HYDIN: variants seen among roughly 807,000 people sequenced by gnomAD.
HYDIN encodes axonemal central pair apparatus protein HYDIN.
In HYDIN, 132 loss-of-function variants were observed where a neutral mutation model predicts 403.9. The ratio of observed to expected loss-of-function variants is 0.33; its 90% CI spans 0.28 to 0.38. The LOEUF (loss-of-function observed/expected upper bound fraction) is 0.38. HYDIN is among the 10% of genes least tolerant of loss of function. The pLI, the probability that HYDIN is intolerant of heterozygous loss-of-function variation, is 1.00. For synonymous variants in HYDIN, 1,202 were observed against 1,891.7 expected (o/e 0.64, Z 9.46); for missense variants, 2,827 against 5,009.5 (o/e 0.56, Z 13.15).
At chr16:70,874,792 C>T in intron 63 of HYDIN, 25 bp downstream of exon 63, 2 of 1,605,714 alleles carry the variant, frequency 1.2e-6, no homozygotes, top group Non-Finnish European at 1.7e-6. Context: ...CCATTGCCCT[C>T]TAGAAGCACC....
chr16:71,207,078 C>T (rs1205984622), intron 1 of HYDIN, among the ~76,000 whole-genome samples: 2 of 152,040 alleles, frequency 1.3e-5, no homozygotes, highest in Non-Finnish European at 2.9e-5. Flanking sequence ...TGCAGAGAAC[C>T]TCCAAAAGAC....
chr16:70,911,874 T>C (rs906842939), intron 47 of HYDIN, among the ~76,000 whole-genome samples: 2 of 149,086 alleles, frequency 1.3e-5, no homozygotes, highest in South Asian at 2.1e-4. Context: ...TTTGCAGTTA[T>C]TGTAAAAGAG....
At chr16:70,849,286 C>T (rs953546746) in intron 75 of HYDIN, among the ~76,000 whole-genome samples, 26 of 151,938 alleles carry the variant, frequency 1.7e-4, no homozygotes, top group Non-Finnish European at 7.4e-5. Flanking sequence ...AGAATTGTTG[C>T]AAGCCTATTA....
At chr16:71,040,007 G>T (rs529359209) in intron 18 of HYDIN, among the ~76,000 whole-genome samples, 1 of 151,756 alleles carries the variant, frequency 6.6e-6, no homozygotes, top group African/African-American at 2.4e-5. Context: ...TGCAGGCACC[G>T]CCCCCGCCCA....
chr16:71,089,832 G>A (rs1292325255), intron 11 of HYDIN, among the ~76,000 whole-genome samples: 3 of 150,202 alleles, frequency 2.0e-5, no homozygotes, highest in Non-Finnish European at 4.4e-5. Context: ...GTACTGTGGA[G>A]GAGACAGCAT....
At chr16:70,835,017 T>C (rs945101332) in intron 78 of HYDIN, among the ~76,000 whole-genome samples, 7 of 145,150 alleles carry the variant, frequency 4.8e-5, no homozygotes, top group African/African-American at 7.6e-5. Context: ...TACACACACA[T>C]ATATATATGT....
chr16:70,970,230 G>A (rs113936165), intron 36 of HYDIN, among the ~76,000 whole-genome samples: 2,782 of 68,582 alleles, frequency 0.041, 95 homozygotes, highest in South Asian at 0.095. Flanking sequence ...GTTAGAGACT[G>A]ATAGCATATT....
intron 66 of HYDIN, 110 bp downstream of exon 66, chr16:70,868,460 T>A (rs1294874767): frequency 3.5e-6 from 5 of 1,439,276 alleles, no homozygotes; most frequent in Non-Finnish European, 4.6e-6. Flanking sequence ...TCAAGTAGAA[T>A]GGGAACCTTT....
intron 15 of HYDIN, 59 bp from the exon 16 acceptor site, chr16:71,064,899 C>T (rs1284785680): frequency 5.7e-6 from 9 of 1,587,818 alleles, no homozygotes; most frequent in East Asian, 2.2e-5. Context: ...ATACAGAAAA[C>T]GCAGAGCCCC....
Position 71,178,952 on chromosome 16 carries a change from T to C in HYDIN, c.357A>G (p.Pro119=), listed in dbSNP as rs370975814. 3 of 1,611,918 alleles carry C rather than the reference T, an allele frequency of 1.9e-6. No homozygotes were observed. In the African/African-American group the frequency reaches 4.0e-5, roughly 22 times the overall value. The change falls in exon 4 of 86, where the codon CCA becomes CCG. Residue 119 remains proline (P), a synonymous_variant. Coordinates refer to ENST00000393567, the MANE Select transcript of HYDIN (RefSeq NM_001270974.2). ...NYTPCEVYEV[P]LILRNNDKIP... is the part of the protein sequence containing the mutation. ...CTTTGTCATTGTTCCTCAAAATCAG[T>C]GGAACTTCATAGACTTCACAGGGAG...
chr16:70,920,783 C>T lies in HYDIN; in HGVS notation c.7593G>A (p.Ala2531=), dbSNP rs185945967. The change falls in exon 46 of 86, where the codon GCG becomes GCA. Residue 2531 remains alanine, a synonymous_variant. Transcript: ENST00000393567. ...TEKERLEREK[A]ERERLEKLRA... Reference sequence around the variant, plus strand: ...GCAGCTTCTCCAGGCGCTCCCGCTCCGCCTTCTCCCTCTCCAGGCGCTCCT... The same window carrying T: ...GCAGCTTCTCCAGGCGCTCCCGCTCTGCCTTCTCCCTCTCCAGGCGCTCCT... 2.8e-5 allele frequency: 44 copies of T among 1,559,612 alleles called. No individual in the cohort carries two copies. The highest frequency in any genetic ancestry group is 4.1e-5 in the African/African-American group (3 of 73,480).
chr16:71,222,944 A>G (rs1451641931), intron 1 of HYDIN, among the ~76,000 whole-genome samples: 2 of 152,098 alleles, frequency 1.3e-5, no homozygotes, highest in African/African-American at 4.8e-5. Flanking sequence ...AAATACCAAC[A>G]TCATTCTTCA....
intron 5 of HYDIN, among the ~76,000 whole-genome samples, chr16:71,174,287 C>T (rs2086578485): frequency 6.6e-6 from 1 of 152,128 alleles, no homozygotes; most frequent in African/African-American, 2.4e-5. Context: ...AATTCTCTAT[C>T]CTTGCTCTCC....
chr16:70,882,482 C>T (rs1368150625), intron 60 of HYDIN, among the ~76,000 whole-genome samples, 178 bp downstream of exon 60: 10 of 152,174 alleles, frequency 6.6e-5, no homozygotes, highest in Admixed American at 4.6e-4. Context: ...GAGACACCCA[C>T]TGGGACAAAT....
intron 21 of HYDIN, among the ~76,000 whole-genome samples, chr16:71,023,861 G>C (rs2080586719): frequency 6.6e-6 from 1 of 151,074 alleles, no homozygotes; most frequent in South Asian, 2.1e-4. Context: ...AAAATAAATG[G>C]TCTTGAACAT....
In HYDIN at chr16:70,966,098, C is replaced by T. The variant is rs574393472; in HGVS notation, c.5620-1202G>A. The stretch of plus-strand genomic sequence containing the variant: ...AGCAACTGGGGCAACTCCAAAGGGC[C>T]AACCCAGCCCCAGAGCTTCCTGTGC... On this transcript the variant is annotated intron_variant, in intron 36 of 85. Transcript: ENST00000393567. 3.7e-3 allele frequency among the ~76,000 whole-genome samples: 569 copies of T among 152,092 alleles called. 2 individuals are homozygous for T. The highest frequency in any genetic ancestry group is 4.8e-3 in the Non-Finnish European group (326 of 67,932).
At chr16:71,194,994 G>A (rs1598000738) in intron 1 of HYDIN, among the ~76,000 whole-genome samples, 1 of 152,182 alleles carries the variant, frequency 6.6e-6, no homozygotes, top group Admixed American at 6.5e-5. Context: ...TTTTGACCCA[G>A]AAGTCACACA....
chr16:70,945,838 G>A (rs1487508062), intron 41 of HYDIN, among the ~76,000 whole-genome samples: 1 of 152,134 alleles, frequency 6.6e-6, no homozygotes, highest in Non-Finnish European at 1.5e-5. Context: ...AGAAGAAAGA[G>A]CAGCCGTGGA....
At chr16:70,879,044 C>T (rs567048147) in intron 62 of HYDIN, among the ~76,000 whole-genome samples, 2 of 151,078 alleles carry the variant, frequency 1.3e-5, no homozygotes, top group East Asian at 3.9e-4. Context: ...ATCCTACCCA[C>T]TCAGCTTGGT....
Sources: allele counts gnomAD v4.1 joint callset (sites outside exome capture counted in the v4.1 genomes callset), GRCh38; gene constraint gnomAD v4.1.1; transcripts MANE v1.5; gene names NCBI Gene and HGNC (gene_info 2026-07-23, HGNC 2026-07-21).